Variants in SMYD3 observed in about 807,000 individuals in gnomAD.
SMYD3 encodes the protein histone-lysine N-methyltransferase SMYD3.
SMYD3 carries 36 observed loss-of-function variants against 57.7 expected under a neutral mutation model. That is an observed-to-expected ratio of 0.62 (90% CI 0.48 to 0.82). SMYD3 has a LOEUF of 0.82. Among genes scored for constraint, SMYD3 ranks in the 40% least tolerant of loss-of-function variants. The pLI is 0.00. For synonymous variants in SMYD3, 211 were observed against 195.0 expected (o/e 1.08, Z -0.68); for missense variants, 515 against 538.8 (o/e 0.96, Z 0.44).
intron 5 of SMYD3, among the ~76,000 whole-genome samples, chr1:246,087,728 A>G (rs992454698): frequency 6.6e-6 from 1 of 152,178 alleles, no homozygotes; most frequent in South Asian, 2.1e-4. Context: ...AACAAACACA[A>G]TTTGCAAAGC....
intron 8 of SMYD3, among the ~76,000 whole-genome samples, chr1:245,908,461 A>G (rs2148634910): frequency 6.6e-6 from 1 of 152,320 alleles, no homozygotes. Flanking sequence ...AAAATATCAC[A>G]CTTAATCTGT....
chr1:246,490,038 C>T (rs933066611), intron 1 of SMYD3, among the ~76,000 whole-genome samples: 7 of 147,182 alleles, frequency 4.8e-5, no homozygotes, highest in Non-Finnish European at 1.0e-4. Context: ...GACAGGGTCC[C>T]GCTGTGTTGC....
At chr1:245,804,349 A>G (rs4361960) in intron 10 of SMYD3, among the ~76,000 whole-genome samples, 6,762 of 152,202 alleles carry the variant, frequency 0.044, 532 homozygotes, top group African/African-American at 0.15. Flanking sequence ...TTGGGAGGCC[A>G]AGGCAGGCGG....
intron 5 of SMYD3, chr1:245,956,047 T>C: frequency 1.0e-6 from 1 of 984,810 alleles, no homozygotes; most frequent in African/African-American, 1.7e-5. Flanking sequence ...TGACCCTATG[T>C]TCATTACTAG....
chr1:246,055,769 G>C (rs879731333), intron 5 of SMYD3, among the ~76,000 whole-genome samples: 1 of 152,204 alleles, frequency 6.6e-6, no homozygotes, highest in Non-Finnish European at 1.5e-5. Flanking sequence ...GACAAATATT[G>C]TACGATTCAA....
At chr1:246,461,585 CT>C (rs1212769598) in intron 1 of SMYD3, among the ~76,000 whole-genome samples, 3 of 151,328 alleles carry the variant, frequency 2.0e-5, no homozygotes, top group African/African-American at 7.3e-5. Flanking sequence ...AATTAGGTAA[CT>C]AAAGGCTAAG....
At chr1:245,777,883 C>T (rs1289112998) in intron 10 of SMYD3, among the ~76,000 whole-genome samples, 1 of 152,136 alleles carries the variant, frequency 6.6e-6, no homozygotes, top group African/African-American at 2.4e-5. Flanking sequence ...CAGAACAAAA[C>T]AGAATGCAGT....
rs112246630 is a variant in SMYD3, at chr1:246,071,568, C to T, written c.532-141631G>A. On this transcript the variant is annotated intron_variant, in intron 5 of 11. Transcript: ENST00000490107. ...CATTATAATCCCAAAGGACACAATC[C>T]TGAATGCCATCATCCCTGAAAATAT... Among the ~76,000 whole-genome samples, 884 of 152,236 alleles carry T rather than the reference C, an allele frequency of 5.8e-3. 6 individuals are homozygous for T. Among genetic ancestry groups the T allele is most frequent in the African/African-American group, 0.02 (825 of 41,554 alleles).
At chr1:245,930,375 G>C in intron 5 of SMYD3, 1 of 341,960 alleles carries the variant, frequency 2.9e-6, no homozygotes, top group South Asian at 2.4e-5. Context: ...ATAGCAACTT[G>C]TCTCTTACTC....
At chr1:246,337,369 G>T (rs2065559336) in intron 2 of SMYD3, among the ~76,000 whole-genome samples, 1 of 152,054 alleles carries the variant, frequency 6.6e-6, no homozygotes, top group Admixed American at 6.5e-5. Flanking sequence ...AGTTAGGTTG[G>T]TATTCACTAA....
At chr1:246,348,727 C>T (rs1186859447) in intron 2 of SMYD3, among the ~76,000 whole-genome samples, 1 of 151,960 alleles carries the variant, frequency 6.6e-6, no homozygotes, top group East Asian at 1.9e-4. Context: ...GTAGAAAACC[C>T]GCACATGTAC....
At chr1:246,248,049 G>C (rs1278667047) in intron 5 of SMYD3, among the ~76,000 whole-genome samples, 1 of 152,122 alleles carries the variant, frequency 6.6e-6, no homozygotes, top group Non-Finnish European at 1.5e-5. Flanking sequence ...GTAAGGTTGG[G>C]TCTCAACTGA....
At chr1:245,978,325 A>G (rs1318590433) in intron 5 of SMYD3, among the ~76,000 whole-genome samples, 2 of 152,182 alleles carry the variant, frequency 1.3e-5, no homozygotes, top group African/African-American at 4.8e-5. Context: ...CGCTCAAAAA[A>G]CTTTTCCTAG....
chr1:246,412,066 G>A (rs927819803), intron 1 of SMYD3, among the ~76,000 whole-genome samples: 17 of 151,186 alleles, frequency 1.1e-4, no homozygotes, highest in Admixed American at 2.6e-4. Context: ...CTTGCTTTGC[G>A]TTAACTACCT....
At chr1:246,224,127 T>G (rs546846852) in intron 5 of SMYD3, among the ~76,000 whole-genome samples, 115 of 152,206 alleles carry the variant, frequency 7.6e-4, no homozygotes, top group African/African-American at 2.3e-3. Flanking sequence ...GCAAAAGGAC[T>G]CTGTCCTCAT....
In SMYD3 at chr1:245,858,563, C is replaced by T. The variant is rs749545404; in HGVS notation, c.1009G>A (p.Ala337Thr). Reference sequence around the variant, plus strand: ...TCCAACAGGCCGAGGTTGATGCAGGCATCCATGGCGCAGTCGAGCACCTTC... The same window carrying T: ...TCCAACAGGCCGAGGTTGATGCAGGTATCCATGGCGCAGTCGAGCACCTTC... ...QLKVLDCAMD[A>T]CINLGLLEEA... The change falls in exon 10 of 12, where the codon GCC (alanine) becomes ACC (threonine). Residue 337 changes from alanine (A) to threonine (T), a missense_variant. Transcript: ENST00000490107. The T allele has an allele frequency of 1.2e-6, 2 of 1,614,230 alleles. No individual in the cohort carries two copies. Among genetic ancestry groups the T allele is most frequent in the Admixed American group, 1.7e-5 (1 of 60,020 alleles).
chr1:245,946,782 A>G (rs572783775), intron 5 of SMYD3, among the ~76,000 whole-genome samples: 1 of 152,298 alleles, frequency 6.6e-6, no homozygotes, highest in South Asian at 2.1e-4. Context: ...AGGCACTAGG[A>G]AGAAAAGAGG....
chr1:246,380,742 A>T (rs950148176), intron 1 of SMYD3, among the ~76,000 whole-genome samples: 1 of 152,252 alleles, frequency 6.6e-6, no homozygotes, highest in African/African-American at 2.4e-5. Flanking sequence ...ATGTGATGTC[A>T]GGTTCTGTGC....
At chr1:246,136,485 C>G (rs1344914755) in intron 5 of SMYD3, among the ~76,000 whole-genome samples, 1 of 152,106 alleles carries the variant, frequency 6.6e-6, no homozygotes, top group East Asian at 1.9e-4. Context: ...AAGTACAACT[C>G]TGTAATGGCA....
Sources: gnomAD v4.1 joint callset for allele counts (sites outside exome capture counted in the v4.1 genomes callset) on GRCh38, gnomAD v4.1.1 for gene constraint, MANE v1.5 for transcripts, NCBI Gene and HGNC (gene_info 2026-07-23, HGNC 2026-07-21) for gene names.